The following FAM149B1 variants were observed in gnomAD, a reference collection of about 807,000 sequenced individuals.
The protein encoded by FAM149B1 is family with sequence similarity 149 member B1.
Under a neutral mutation model 75.3 loss-of-function variants are expected in FAM149B1, and 56 were observed. That is an observed-to-expected ratio of 0.74 (90% CI 0.60 to 0.93). The LOEUF is 0.93. Among genes scored for constraint, FAM149B1 ranks in the 40% least tolerant of loss-of-function variants. The probability of loss-of-function intolerance (pLI) is 0.00; values close to 1 mark genes in which losing one functional copy is unlikely to be tolerated. For missense variants in FAM149B1, 639 were observed against 708.4 expected (o/e 0.90, Z 1.11); for synonymous variants, 259 against 256.1 (o/e 1.01, Z -0.11).
chr10:73,231,595 C>A (rs545272644), intron 9 of FAM149B1, among the ~76,000 whole-genome samples: 2 of 152,148 alleles, frequency 1.3e-5, no homozygotes, highest in East Asian at 1.9e-4. Context: ...AGGGTCTGCA[C>A]TCAAGCGGCC....
chr10:73,228,941 G>A (rs936821752), intron 8 of FAM149B1, among the ~76,000 whole-genome samples: 1 of 152,100 alleles, frequency 6.6e-6, no homozygotes. Flanking sequence ...ATGTTGCCCA[G>A]GCTGGTCTCA....
chr10:73,172,224 G>C (rs16930384), intron 1 of FAM149B1, among the ~76,000 whole-genome samples: 10,717 of 152,160 alleles, frequency 0.07, 622 homozygotes, highest in East Asian at 0.3. Context: ...TAGGACCACT[G>C]AATGAGAGAC....
rs995232179 is a variant in FAM149B1 at position 73,194,342 on chromosome 10, A to G, written c.542+749A>G. On this transcript the variant is annotated intron_variant, in intron 5 of 13. Transcript: ENST00000242505. ...TTTTTAAAATGTCGAAGTCTAAGAA[A>G]AAGACTTTAAAACTTTTTTGAAAAA... 3.9e-5 allele frequency among the ~76,000 whole-genome samples: 6 copies of G among 152,294 alleles called. No individual in the cohort carries two copies. The East Asian group carries it at 9.6e-4, about 24-fold the overall frequency.
chr10:73,181,030 G>A (rs1358740344), intron 3 of FAM149B1, among the ~76,000 whole-genome samples: 10 of 146,780 alleles, frequency 6.8e-5, no homozygotes, highest in South Asian at 2.2e-4. Flanking sequence ...TTTTTGAGAC[G>A]GAGTGTCGCA....
chr10:73,207,043 GA>G (rs1415464506), intron 5 of FAM149B1, among the ~76,000 whole-genome samples: 1 of 152,260 alleles, frequency 6.6e-6, no homozygotes, highest in Non-Finnish European at 1.5e-5. Flanking sequence ...TATCTGTGTA[GA>G]TTTCAGAGGA....
rs117022059 is a variant in FAM149B1, at chr10:73,193,800, G to A, written c.542+207G>A. Among the ~76,000 whole-genome samples, 637 of 152,202 alleles carry A rather than the reference G, an allele frequency of 4.2e-3. 3 individuals are homozygous for A. The highest frequency in any genetic ancestry group is 5.6e-3 in the Non-Finnish European group (382 of 68,010). On this transcript the variant is annotated intron_variant, in intron 5 of 13. Coordinates refer to ENST00000242505, the MANE Select transcript of FAM149B1 (RefSeq NM_173348.2). The stretch of plus-strand genomic sequence containing the variant: ...CAAAAAGTTAGACCTTTCCTGTAGT[G>A]GATTAGTCTGTTTTCTGTTGCTTGT...
intron 3 of FAM149B1, 146 bp downstream of exon 3, chr10:73,178,121 C>T: frequency 1.2e-6 from 1 of 868,292 alleles, no homozygotes; most frequent in Non-Finnish European, 1.7e-6. Flanking sequence ...AGTATCAGTC[C>T]TCATCTTCTT....
chr10:73,238,137 G>C (rs1224414274), intron 12 of FAM149B1, among the ~76,000 whole-genome samples: 1 of 152,030 alleles, frequency 6.6e-6, no homozygotes, highest in Non-Finnish European at 1.5e-5. Flanking sequence ...CCTGAAGTCA[G>C]GAGTTTGAGA....
At position 73,243,747 on chromosome 10, in the gene FAM149B1, G is replaced by T; in HGVS notation, c.*2728G>T. On this transcript the variant is annotated 3_prime_UTR_variant, in exon 14 of 14. Transcript: ENST00000242505. ...GGACAAATAGAAGGTATGCGGTTAT[G>T]TCTTAAAAGAAGAAAACAAAATACA... The T allele has an allele frequency of 1.6e-6, 2 of 1,240,084 alleles. No homozygotes were observed. Among genetic ancestry groups the T allele is most frequent in the Non-Finnish European group, 2.3e-6 (2 of 869,618 alleles). The allele number at this position is 1,240,084 out of a possible 1,614,324, so 76.8% of individuals were successfully genotyped here.
intron 1 of FAM149B1, among the ~76,000 whole-genome samples, 175 bp downstream of exon 1, chr10:73,168,561 G>T (rs1843556868): frequency 8.1e-6 from 1 of 122,724 alleles, no homozygotes; most frequent in African/African-American, 3.4e-5. Context: ...TCCAGCTGAG[G>T]GCGTGTCGCC....
intron 9 of FAM149B1, 44 bp from the exon 10 acceptor site, chr10:73,232,895 A>G: frequency 8.6e-7 from 1 of 1,162,906 alleles, no homozygotes; most frequent in Non-Finnish European, 1.3e-6. Flanking sequence ...CTTCCTTGAC[A>G]TACTGATCTT....
At chr10:73,188,178 A>G (rs148282787) in intron 3 of FAM149B1, among the ~76,000 whole-genome samples, 17 of 152,310 alleles carry the variant, frequency 1.1e-4, no homozygotes, top group African/African-American at 3.8e-4. Context: ...AAACTCTTAC[A>G]TTTAGGATCC....
At position 73,192,563 on chromosome 10, in the gene FAM149B1, A is replaced by T. The variant is rs1179067882; in HGVS notation, c.290A>T (p.Asp97Val). 9.0e-6 allele frequency: 14 copies of T among 1,550,318 alleles called. No homozygotes were observed. In the South Asian group the frequency reaches 1.6e-4, roughly 17 times the overall value. ...GGGAATATTTTCTTCTAGGAACTCG[A>T]TCAAAATGCCACTGAAAAAGTCCAG... ...SDFSWGYGEL[D>V]QNATEKVQTM... Residue 97 changes from aspartate (D) to valine (V), a missense_variant, in exon 4 of 14, where the codon GAT (aspartate) becomes GTT (valine). Physicochemically the swap from Asp to Val is radical, Grantham distance 152 (BLOSUM62 -3). Coordinates refer to ENST00000242505, the MANE Select transcript of FAM149B1 (RefSeq NM_173348.2).
intron 3 of FAM149B1, among the ~76,000 whole-genome samples, chr10:73,178,213 C>T (rs773935107): frequency 6.6e-6 from 1 of 152,138 alleles, no homozygotes; most frequent in African/African-American, 2.4e-5. Context: ...GCATGTTGGC[C>T]GGGCACGGTG....
At chr10:73,224,235 A>G (rs1372302271) in intron 7 of FAM149B1, among the ~76,000 whole-genome samples, 3 of 152,122 alleles carry the variant, frequency 2.0e-5, no homozygotes, top group Non-Finnish European at 4.4e-5. Flanking sequence ...CAACTACTCA[A>G]CTCTGCCCTT....
In FAM149B1 at chr10:73,218,055, A is replaced by G. The variant is rs2043334319; in HGVS notation, c.898+7617A>G. Among the ~76,000 whole-genome samples the G allele has an allele frequency of 2.0e-5, 3 of 152,328 alleles. No homozygotes were observed. In the South Asian group the frequency reaches 6.2e-4, roughly 32 times the overall value. Reference sequence around the variant, plus strand: ...TCTCCATCTGTAGATCTGTGAAACTAAAGAGACAAGTTGTCTGACCCCAAC... The same window carrying G: ...TCTCCATCTGTAGATCTGTGAAACTGAAGAGACAAGTTGTCTGACCCCAAC... On this transcript the variant is annotated intron_variant, in intron 7 of 13. Coordinates refer to ENST00000242505, the MANE Select transcript of FAM149B1 (RefSeq NM_173348.2).
intron 7 of FAM149B1, among the ~76,000 whole-genome samples, chr10:73,224,522 A>AG (rs1300459312): frequency 7.2e-6 from 1 of 138,970 alleles, no homozygotes; most frequent in African/African-American, 2.8e-5. Context: ...CCCAGGCTGG[A>AG]GTGCAGTGGT....
intron 3 of FAM149B1, among the ~76,000 whole-genome samples, chr10:73,182,748 G>A (rs1172800988): frequency 6.6e-6 from 1 of 152,180 alleles, no homozygotes; most frequent in African/African-American, 2.4e-5. Flanking sequence ...TGAGTCTTCT[G>A]ACTAAGGCCT....
intron 2 of FAM149B1, among the ~76,000 whole-genome samples, chr10:73,175,120 A>G (rs544416509): frequency 6.6e-6 from 1 of 152,204 alleles, no homozygotes; most frequent in African/African-American, 2.4e-5. Context: ...GCACTATAGG[A>G]GGCCAAAAGG....
Sources: gnomAD v4.1 joint callset for allele counts (sites outside exome capture counted in the v4.1 genomes callset) on GRCh38, gnomAD v4.1.1 for gene constraint, MANE v1.5 for transcripts, NCBI Gene and HGNC (gene_info 2026-07-23, HGNC 2026-07-21) for gene names.